The following VWF variants were observed in gnomAD, a reference collection of about 807,000 sequenced individuals.
VWF encodes von Willebrand factor, also known as Factor VIII related antigen.
VWF carries 176 observed loss-of-function variants against 308.6 expected under a neutral mutation model. The ratio of observed to expected loss-of-function variants is 0.57; its 90% CI spans 0.50 to 0.65. VWF has a LOEUF of 0.65. VWF is among the 30% of genes least tolerant of loss of function. VWF has a pLI of 0.00. For missense variants in VWF, 3,146 were observed against 3,648.2 expected, an observed-to-expected ratio of 0.86 and a Z score of 3.55; for synonymous variants, 1,385 against 1,443.4, an observed-to-expected ratio of 0.96 and a Z score of 0.92.
chr12:6,092,618 A>AGTGTGTGTGTGTGT (rs752209524), intron 6 of VWF, among the ~76,000 whole-genome samples: 52 of 66,210 alleles, frequency 7.9e-4, no homozygotes, highest in Non-Finnish European at 1.1e-3. Flanking sequence ...AGTGAGTGAG[A>AGTGTGTGTGTGTGT]GTGTGTGTGT....
chr12:6,018,804 C>A lies in VWF; in HGVS notation c.4614G>T (p.Thr1538=). 1 of 1,613,912 alleles carries A rather than the reference C, an allele frequency of 6.2e-7. No individual in the cohort carries two copies. Among genetic ancestry groups the A allele is most frequent in the Non-Finnish European group, 8.5e-7 (1 of 1,179,918 alleles). The change falls in exon 28 of 52, where the codon ACG becomes ACT. Residue 1538 remains threonine (T), a synonymous_variant. Transcript: ENST00000261405. ...TCACCATGTAGGAGTACTGCAGCAC[C>A]GTGACGTGGATGCTGTCCTGGCCCA... The part of the protein sequence containing the change: ...MDVGQDSIHV[T]VLQYSYMVTV...
intron 2 of VWF, chr12:6,122,875 C>T (rs1353815174): frequency 6.8e-6 from 5 of 733,876 alleles, no homozygotes; most frequent in Admixed American, 3.5e-5. Flanking sequence ...CCTTCCTCCT[C>T]ATCCTGTGCC....
At chr12:6,013,426 G>A (rs1266566834) in intron 32 of VWF, 55 bp downstream of exon 32, 1 of 1,607,048 alleles carries the variant, frequency 6.2e-7, no homozygotes, top group Non-Finnish European at 8.5e-7. Context: ...TTCTTTGGCG[G>A]GTTTATTTTG....
chr12:5,951,052 C>G (rs1275326160), intron 50 of VWF, among the ~76,000 whole-genome samples: 1 of 149,722 alleles, frequency 6.7e-6, no homozygotes, highest in Non-Finnish European at 1.5e-5. Context: ...AAGCATGGAC[C>G]TGTGAACCCA....
rs1944096829 is a variant in VWF, at chr12:6,019,009, G to GAC, written c.4408_4409insGT (p.Pro1470ArgfsTer56). 6.2e-7 allele frequency: 1 copy of GAC among 1,613,810 alleles called. No individual in the cohort carries two copies. Among genetic ancestry groups the GAC allele is most frequent in the East Asian group, 2.2e-5 (1 of 44,876 alleles). The stretch of plus-strand genomic sequence containing the variant: ...CACAGTGACTTGTGCCATGTCGGGG[G>GAC]GCAGAGTAGGAGGAGGGGCTTCAGG... On this transcript the variant is annotated frameshift_variant, in exon 28 of 52. Transcript: ENST00000261405. LOFTEE classifies it high-confidence loss of function. The surrounding 1 kb of genome is among the most constrained non-coding windows in gnomAD (Gnocchi z 5.8).
intron 37 of VWF, among the ~76,000 whole-genome samples, chr12:5,993,643 G>A: frequency 7.0e-6 from 1 of 143,648 alleles, no homozygotes; most frequent in South Asian, 2.3e-4. Flanking sequence ...ATGTGTGTGT[G>A]TGTGTGTATA....
At chr12:5,987,070 G>A (rs1232075466) in intron 38 of VWF, among the ~76,000 whole-genome samples, 2 of 152,154 alleles carry the variant, frequency 1.3e-5, no homozygotes, top group Non-Finnish European at 2.9e-5. Flanking sequence ...TGGGACTATA[G>A]GCATGTGCCA....
At chr12:5,980,175 GA>G (rs1943587595) in intron 42 of VWF, among the ~76,000 whole-genome samples, 1 of 49,336 alleles carries the variant, frequency 2.0e-5, no homozygotes, top group Non-Finnish European at 5.1e-5. Context: ...GGGAGGGAGG[GA>G]GGGAGGGAGG....
rs1591902680 is a variant in VWF, at chr12:6,075,847, T to C, written c.658-296A>G. Among the ~76,000 whole-genome samples, 1 of 152,276 alleles carries C rather than the reference T, an allele frequency of 6.6e-6. No individual in the cohort carries two copies. Among genetic ancestry groups the C allele is most frequent in the Non-Finnish European group, 1.5e-5 (1 of 68,016 alleles). ...CAGTGTCCTAGGAACGGACAGAGGA[T>C]GGAGAGAAGCACAAAGAGCATGCGC... On this transcript the variant is annotated intron_variant, in intron 6 of 51. Transcript: ENST00000261405. This position sits in a 1 kb window ranked among gnomAD's most constrained non-coding sequence, Gnocchi z 4.7.
intron 3 of VWF, among the ~76,000 whole-genome samples, chr12:6,116,687 T>C (rs1945370523): frequency 6.6e-6 from 1 of 152,204 alleles, no homozygotes; most frequent in African/African-American, 2.4e-5. Flanking sequence ...CTGTGCTGTC[T>C]GGCAAACAGC....
At chr12:6,003,856 C>T (rs1943899083) in intron 34 of VWF, among the ~76,000 whole-genome samples, 1 of 128,318 alleles carries the variant, frequency 7.8e-6, no homozygotes, top group South Asian at 2.5e-4. Context: ...CGCTCTGTTG[C>T]CCAGGCTGGA....
intron 3 of VWF, among the ~76,000 whole-genome samples, chr12:6,111,434 G>A (rs1335168045): frequency 6.6e-6 from 1 of 152,194 alleles, no homozygotes; most frequent in African/African-American, 2.4e-5. Context: ...GTGCAGTGAT[G>A]TGAACATGGC....
intron 8 of VWF, among the ~76,000 whole-genome samples, chr12:6,072,752 C>T (rs922171384): frequency 3.3e-5 from 5 of 152,070 alleles, no homozygotes; most frequent in African/African-American, 4.8e-5. Flanking sequence ...ATTAATGCAA[C>T]GTGAGAGGGA....
intron 34 of VWF, among the ~76,000 whole-genome samples, chr12:5,998,483 AAAAAAAAAAAAAAAAATATATATATAT>A (rs1943832676): frequency 1.5e-4 from 9 of 59,734 alleles, no homozygotes; most frequent in African/African-American, 6.8e-4. Flanking sequence ...AAAAAAAAAA[AAAAAAAAAAAAAAAAATATATATATAT>A]ATATATATAT....
At chr12:6,121,701 TG>T (rs1424136070) in intron 2 of VWF, among the ~76,000 whole-genome samples, 2 of 152,038 alleles carry the variant, frequency 1.3e-5, no homozygotes, top group Non-Finnish European at 2.9e-5. Context: ...GAGGCCGAGG[TG>T]GGCAGATCAC....
rs572475682 is a variant in VWF at position 5,988,940 on chromosome 12, G to T, written c.6798+2879C>A. ...AGGTGGGAAAACTGACATTTTCAAG[G>T]CCCAAGGTCAAAGAAGGACACAAGC... is the stretch of plus-strand genomic sequence containing the variant. On this transcript the variant is annotated intron_variant, in intron 38 of 51. Coordinates refer to ENST00000261405, the MANE Select transcript of VWF (RefSeq NM_000552.5). Among the ~76,000 whole-genome samples, 5 of 152,322 alleles carry T rather than the reference G, an allele frequency of 3.3e-5. No homozygotes were observed. The East Asian group carries it at 7.7e-4, about 24-fold the overall frequency.
intron 3 of VWF, among the ~76,000 whole-genome samples, chr12:6,117,733 T>C (rs1303458297): frequency 6.6e-6 from 1 of 152,128 alleles, no homozygotes; most frequent in African/African-American, 2.4e-5. Context: ...GAGAATCGCT[T>C]GAACCTGGGA....
intron 6 of VWF, among the ~76,000 whole-genome samples, chr12:6,076,383 T>C (rs1043590145): frequency 3.3e-5 from 5 of 152,222 alleles, no homozygotes; most frequent in African/African-American, 9.6e-5. Context: ...TGAAGTTGGA[T>C]TGCGTCTTAG....
chr12:6,030,490 C>T (rs910345418), intron 21 of VWF, among the ~76,000 whole-genome samples: 2 of 152,162 alleles, frequency 1.3e-5, no homozygotes, highest in South Asian at 2.1e-4. Context: ...GTGCCCAGAG[C>T]CTGGGTCTCC....
Sources: gnomAD v4.1 joint callset for allele counts (sites outside exome capture counted in the v4.1 genomes callset) on GRCh38, gnomAD v4.1.1 for gene constraint, Gnocchi (gnomAD v3.1) non-coding constraint, MANE v1.5 for transcripts, NCBI Gene and HGNC (gene_info 2026-07-23, HGNC 2026-07-21) for gene names.